Variants in CORIN observed in about 807,000 individuals in gnomAD.
CORIN encodes the protein corin, serine peptidase.
CORIN carries 117 observed loss-of-function variants against 125.3 expected under a neutral mutation model. That is an observed-to-expected ratio of 0.93 (90% CI 0.80 to 1.09). The LOEUF is 1.09. CORIN is among the 50% of genes least tolerant of loss of function. CORIN has a pLI of 0.00. For missense variants in CORIN, 1,253 were observed against 1,306.7 expected, an observed-to-expected ratio of 0.96 and a Z score of 0.63; for synonymous variants, 450 against 466.4, an observed-to-expected ratio of 0.96 and a Z score of 0.45.
intron 5 of CORIN, among the ~76,000 whole-genome samples, chr4:47,733,911 T>A (rs1728001976): frequency 6.6e-6 from 1 of 152,166 alleles, no homozygotes; most frequent in African/African-American, 2.4e-5. Context: ...ATGAATCGAA[T>A]TTACAGAGCT....
intron 5 of CORIN, among the ~76,000 whole-genome samples, chr4:47,743,600 C>T (rs1468245232): frequency 2.0e-5 from 3 of 152,164 alleles, no homozygotes; most frequent in Admixed American, 2.0e-4. Context: ...AAGACAGGCA[C>T]AAGAGGCTGG....
intron 19 of CORIN, among the ~76,000 whole-genome samples, chr4:47,613,930 C>T (rs1308947028): frequency 6.7e-6 from 1 of 150,162 alleles, no homozygotes; most frequent in Non-Finnish European, 1.5e-5. Context: ...GCACAATGTG[C>T]ACATGTACCC....
At chr4:47,772,076 C>G (rs1473360885) in intron 3 of CORIN, among the ~76,000 whole-genome samples, 10 of 149,014 alleles carry the variant, frequency 6.7e-5, no homozygotes, top group African/African-American at 1.7e-4. Flanking sequence ...TTTCACATTA[C>G]ATAGATAGAT....
chr4:47,630,448 T>C (rs1029434660), intron 16 of CORIN, among the ~76,000 whole-genome samples: 1 of 152,190 alleles, frequency 6.6e-6, no homozygotes, highest in Non-Finnish European at 1.5e-5. Context: ...AAAAGTCCTG[T>C]TGTGTAGAAA....
chr4:47,729,843 A>G (rs897286847), intron 5 of CORIN, among the ~76,000 whole-genome samples: 5 of 152,306 alleles, frequency 3.3e-5, no homozygotes, highest in African/African-American at 9.6e-5. Flanking sequence ...TGAAAACGGA[A>G]TAACTTGGCA....
At chr4:47,680,065 A>C (rs1294260303) in intron 8 of CORIN, 76 bp downstream of exon 8, 1 of 874,052 alleles carries the variant, frequency 1.1e-6, no homozygotes, top group Non-Finnish European at 1.9e-6. Context: ...TCTTAAGTAC[A>C]GTCCTCAACC....
intron 4 of CORIN, among the ~76,000 whole-genome samples, chr4:47,754,356 G>C (rs1247745885): frequency 6.6e-6 from 1 of 152,098 alleles, no homozygotes; most frequent in Non-Finnish European, 1.5e-5. Context: ...GAACTCATGT[G>C]GCTGACTGCT....
chr4:47,672,861 C>A (rs906860598), intron 10 of CORIN, among the ~76,000 whole-genome samples: 1 of 152,020 alleles, frequency 6.6e-6, no homozygotes. Flanking sequence ...TCCTGTCAGT[C>A]TGGGTTAATT....
chr4:47,837,430 C>G, intron 1 of CORIN: 1 of 241,186 alleles, frequency 4.1e-6, no homozygotes, highest in Non-Finnish European at 8.1e-6. Context: ...CCCGAGACGC[C>G]GGCGCAGACA....
intron 20 of CORIN, 134 bp downstream of exon 20, chr4:47,603,263 C>G: frequency 1.2e-6 from 1 of 856,020 alleles, no homozygotes; most frequent in South Asian, 1.7e-5. Flanking sequence ...CCCCTTCCGC[C>G]ATGATTGTAG....
At chr4:47,687,073 T>C (rs61761797) in intron 6 of CORIN, among the ~76,000 whole-genome samples, 2,594 of 152,344 alleles carry the variant, frequency 0.017, 45 homozygotes, top group South Asian at 0.035. Flanking sequence ...AAAATCCTCA[T>C]TGTTCTCCCA....
chr4:47,809,136 G>A (rs1731936987), intron 1 of CORIN, among the ~76,000 whole-genome samples: 1 of 152,190 alleles, frequency 6.6e-6, no homozygotes, highest in Non-Finnish European at 1.5e-5. Flanking sequence ...AAGTTGCAAA[G>A]TATTTAACTT....
At chr4:47,684,623 A>T (rs1360313085) in intron 6 of CORIN, among the ~76,000 whole-genome samples, 1 of 152,214 alleles carries the variant, frequency 6.6e-6, no homozygotes, top group Non-Finnish European at 1.5e-5. Flanking sequence ...GGTTTGAAAG[A>T]AGAGTTTAAT....
At chr4:47,744,735 T>A in intron 4 of CORIN, 152 bp from the exon 5 acceptor site, 2 of 636,012 alleles carry the variant, frequency 3.1e-6, no homozygotes, top group Non-Finnish European at 2.5e-6. Context: ...TTCAGTCCTA[T>A]GACAGTGATT....
chr4:47,685,281 G>A (rs973657443), intron 6 of CORIN, among the ~76,000 whole-genome samples: 3 of 152,076 alleles, frequency 2.0e-5, no homozygotes, highest in Non-Finnish European at 4.4e-5. Context: ...CTCACTAACT[G>A]GAATGGACAA....
chr4:47,807,929 C>A (rs567906264), intron 1 of CORIN, among the ~76,000 whole-genome samples: 1 of 152,290 alleles, frequency 6.6e-6, no homozygotes, highest in South Asian at 2.1e-4. Flanking sequence ...TCTTGGACTT[C>A]TGACTGCATT....
chr4:47,603,672 A>C lies in CORIN; in HGVS notation c.2541-4T>G. The C allele has an allele frequency of 6.2e-7, 1 of 1,610,620 alleles. No homozygotes were observed. Among genetic ancestry groups the C allele is most frequent in the Middle Eastern group, 1.7e-4 (1 of 6,056 alleles). ...CCAAACTGCAGCATTCTCTCTCCTA[A>C]AATTATAATTCAAGAGCTATTGGCA... On this transcript the variant is annotated splice_polypyrimidine_tract_variant and splice_region_variant and intron_variant, in intron 19 of 21. Transcript: ENST00000273857.
chr4:47,777,119 G>A (rs1220333786), intron 3 of CORIN, among the ~76,000 whole-genome samples: 1 of 152,160 alleles, frequency 6.6e-6, no homozygotes, highest in Admixed American at 6.5e-5. Context: ...CTTGGGGACA[G>A]GACTTCTGTC....
rs375407112 is a variant in CORIN at position 47,665,169 on chromosome 4, T to C, written c.1452A>G (p.Glu484=). The C allele has an allele frequency of 2.3e-5, 37 of 1,613,898 alleles. No individual in the cohort carries two copies. The highest frequency in any genetic ancestry group is 2.9e-5 in the Non-Finnish European group (34 of 1,179,924). The change falls in exon 11 of 22, where the codon GAA becomes GAG. Residue 484 remains glutamate, a synonymous_variant. Transcript: ENST00000273857. The stretch of plus-strand genomic sequence containing the variant: ...GAGAAGACTCCCAGCTGATGGATGC[T>C]TCCTTTTGAGTCCTGTGGCCAAAAT... The part of the protein sequence containing the change: ...PNYFGHRTQK[E]ASISWESSLF...
Sources: allele counts gnomAD v4.1 joint callset (sites outside exome capture counted in the v4.1 genomes callset), GRCh38; gene constraint gnomAD v4.1.1; transcripts MANE v1.5; gene names NCBI Gene and HGNC (gene_info 2026-07-23, HGNC 2026-07-21).